The following CDKAL1 variants were observed in gnomAD, a reference collection of about 807,000 sequenced individuals.
The protein encoded by CDKAL1 is CDKAL1 threonylcarbamoyladenosine tRNA methylthiotransferase, also known as threonylcarbamoyladenosine tRNA methylthiotransferase.
In CDKAL1, 32 loss-of-function variants were observed where a neutral mutation model predicts 68.2. The observed-to-expected ratio is 0.47, with a 90% confidence interval of 0.35 to 0.63. CDKAL1 has a LOEUF of 0.63. Ranked by LOEUF, CDKAL1 falls within the 30% of genes least tolerant of loss-of-function variation. CDKAL1 has a pLI of 0.00. For synonymous variants in CDKAL1, 234 were observed against 244.3 expected (o/e 0.96, Z 0.39); for missense variants, 606 against 696.7 (o/e 0.87, Z 1.47).
At position 20,961,098 on chromosome 6, in the gene CDKAL1, G is replaced by A. The variant is rs142818768; in HGVS notation, c.909+5513G>A. Among the ~76,000 whole-genome samples, 639 of 152,290 alleles carry A rather than the reference G, an allele frequency of 4.2e-3. 5 individuals are homozygous for A. Among genetic ancestry groups the A allele is most frequent in the African/African-American group, 0.015 (615 of 41,554 alleles). ...TAAAGCTCTTGGGCAGTAAGGAAAA[G>A]AGTAAGTATCTGGATTTTATGTATT... On this transcript the variant is annotated intron_variant, in intron 10 of 15. Coordinates refer to ENST00000274695, the MANE Select transcript of CDKAL1 (RefSeq NM_017774.3).
At chr6:20,765,843 G>A (rs1774678130) in intron 7 of CDKAL1, among the ~76,000 whole-genome samples, 1 of 152,080 alleles carries the variant, frequency 6.6e-6, no homozygotes. Flanking sequence ...TAACTGTATT[G>A]GCCAAATTAT....
intron 10 of CDKAL1, among the ~76,000 whole-genome samples, chr6:20,969,018 A>G (rs1038116112): frequency 4.6e-5 from 7 of 152,090 alleles, no homozygotes; most frequent in Admixed American, 1.3e-4. Context: ...TGAATACTGG[A>G]CATTTGAATA....
intron 10 of CDKAL1, among the ~76,000 whole-genome samples, chr6:20,981,122 T>C (rs965714842): frequency 2.6e-5 from 4 of 152,086 alleles, no homozygotes; most frequent in African/African-American, 9.7e-5. Context: ...GAGGCTGTCA[T>C]GCTCTGACAA....
chr6:21,146,850 C>CAAAAA (rs1194653980), intron 13 of CDKAL1, among the ~76,000 whole-genome samples: 3 of 78,260 alleles, frequency 3.8e-5, no homozygotes, highest in Non-Finnish European at 4.7e-5. Context: ...GACTCCGTCT[C>CAAAAA]AAAAAAAAAA....
intron 7 of CDKAL1, among the ~76,000 whole-genome samples, chr6:20,763,757 A>G (rs1054642753): frequency 6.6e-6 from 1 of 152,250 alleles, no homozygotes; most frequent in African/African-American, 2.4e-5. Context: ...TATTGTAATT[A>G]ACATAAAACC....
At chr6:20,597,695 G>A (rs1195023213) in intron 4 of CDKAL1, among the ~76,000 whole-genome samples, 2 of 152,186 alleles carry the variant, frequency 1.3e-5, no homozygotes, top group African/African-American at 2.4e-5. Flanking sequence ...GATTACAGGC[G>A]TGAGCCATCA....
At chr6:20,936,561 T>A (rs953003469) in intron 9 of CDKAL1, among the ~76,000 whole-genome samples, 24 of 151,978 alleles carry the variant, frequency 1.6e-4, no homozygotes, top group African/African-American at 4.3e-4. Flanking sequence ...ATTTTTTTTT[T>A]TATATATCCC....
chr6:20,953,342 A>C (rs1764628542), intron 9 of CDKAL1, among the ~76,000 whole-genome samples: 1 of 152,208 alleles, frequency 6.6e-6, no homozygotes, highest in Admixed American at 6.5e-5. Context: ...ACAGCAAGGC[A>C]CTGTTCCAGG....
chr6:20,696,158 C>T (rs969102732), intron 5 of CDKAL1, among the ~76,000 whole-genome samples: 1 of 152,226 alleles, frequency 6.6e-6, no homozygotes, highest in Non-Finnish European at 1.5e-5. Flanking sequence ...CCACATTGGC[C>T]TGCTAGGCAT....
chr6:20,833,099 G>A lies in CDKAL1; in HGVS notation c.639-12976G>A, dbSNP rs529858107. Among the ~76,000 whole-genome samples the A allele has an allele frequency of 6.7e-4, 102 of 152,268 alleles. 2 individuals are homozygous for A. The South Asian group carries it at 0.02, about 30-fold the overall frequency. Reference sequence around the variant, plus strand: ...AAATGCTACATTCTGATTGGCTTAGGTCTGAGTTCCTGATGTATTTATTGG... The same window carrying A: ...AAATGCTACATTCTGATTGGCTTAGATCTGAGTTCCTGATGTATTTATTGG... On this transcript the variant is annotated intron_variant, in intron 8 of 15. Transcript: ENST00000274695.
At chr6:21,088,357 A>G (rs1333217904) in intron 12 of CDKAL1, among the ~76,000 whole-genome samples, 2 of 152,256 alleles carry the variant, frequency 1.3e-5, no homozygotes, top group Non-Finnish European at 2.9e-5. Context: ...TAAATAGTAC[A>G]TATAATTGAA....
At chr6:20,669,486 T>C (rs1224362448) in intron 5 of CDKAL1, among the ~76,000 whole-genome samples, 1 of 152,206 alleles carries the variant, frequency 6.6e-6, no homozygotes, top group Non-Finnish European at 1.5e-5. Context: ...TCAGGTTGTC[T>C]CCTTTATCTT....
At chr6:21,095,556 TC>T (rs1247876371) in intron 12 of CDKAL1, among the ~76,000 whole-genome samples, 4 of 145,568 alleles carry the variant, frequency 2.7e-5, no homozygotes, top group Non-Finnish European at 6.1e-5. Flanking sequence ...AGCCTCTTGG[TC>T]CCCCTTTCCC....
At chr6:21,131,428 TTTC>T (rs1363279927) in intron 13 of CDKAL1, among the ~76,000 whole-genome samples, 1 of 152,250 alleles carries the variant, frequency 6.6e-6, no homozygotes. Context: ...TAATTTCAGT[TTTC>T]TTGTTAGGCC....
At chr6:20,983,931 C>A (rs1433875625) in intron 10 of CDKAL1, among the ~76,000 whole-genome samples, 1 of 152,152 alleles carries the variant, frequency 6.6e-6, no homozygotes, top group Non-Finnish European at 1.5e-5. Flanking sequence ...ACAGGTAGAT[C>A]AATCCATAGG....
intron 13 of CDKAL1, among the ~76,000 whole-genome samples, chr6:21,188,955 G>A (rs865798916): frequency 2.0e-5 from 3 of 152,136 alleles, no homozygotes; most frequent in East Asian, 1.9e-4. Flanking sequence ...GATCCCTGAC[G>A]CCAGGCAGGA....
intron 9 of CDKAL1, among the ~76,000 whole-genome samples, chr6:20,896,272 G>A (rs182562974): frequency 1.3e-5 from 2 of 151,984 alleles, no homozygotes; most frequent in African/African-American, 4.8e-5. Flanking sequence ...GCTAATTTTT[G>A]TATTTTTAGT....
At chr6:20,912,026 A>G (rs1259997405) in intron 9 of CDKAL1, among the ~76,000 whole-genome samples, 1 of 152,190 alleles carries the variant, frequency 6.6e-6, no homozygotes. Context: ...AGGACCACCC[A>G]ATAGTTTGCT....
At chr6:20,923,751 G>A (rs1367577376) in intron 9 of CDKAL1, among the ~76,000 whole-genome samples, 2 of 152,176 alleles carry the variant, frequency 1.3e-5, no homozygotes, top group Admixed American at 6.5e-5. Context: ...GGCGGCACAC[G>A]CCTGTAATCT....
Sources: allele counts gnomAD v4.1 joint callset (sites outside exome capture counted in the v4.1 genomes callset), GRCh38; gene constraint gnomAD v4.1.1; transcripts MANE v1.5; gene names NCBI Gene and HGNC (gene_info 2026-07-23, HGNC 2026-07-21).